The following NRP2 variants were observed in gnomAD, a reference collection of about 807,000 sequenced individuals.
NRP2 encodes neuropilin 2, also known as neuropilin-2.
NRP2 carries 52 observed loss-of-function variants against 110.4 expected under a neutral mutation model. The observed-to-expected ratio is 0.47, with a 90% CI of 0.38 to 0.59. The LOEUF is 0.59. NRP2 is among the 20% of genes least tolerant of loss of function. NRP2 has a pLI of 0.00. For synonymous variants in NRP2, 508 were observed against 468.9 expected, an observed-to-expected ratio of 1.08 and a Z score of -1.08; for missense variants, 1,049 against 1,203.0, an observed-to-expected ratio of 0.87 and a Z score of 1.89.
At chr2:205,794,181 G>A (rs2105978749) in intron 16 of NRP2, among the ~76,000 whole-genome samples, 1 of 152,248 alleles carries the variant, frequency 6.6e-6, no homozygotes, top group Admixed American at 6.5e-5. Context: ...CGCAATCTCG[G>A]CTCACTGCAA....
Position 205,697,812 on chromosome 2 carries a change from A to G in NRP2, c.251+91A>G. ...GCTCTTGTCACTTCTATCACCCCTC[A>G]CCCCAAGACCTGCTGCTAACCAGTG... On this transcript the variant is annotated intron_variant, in intron 2 of 16. Coordinates refer to ENST00000357785, the MANE Select transcript of NRP2 (RefSeq NM_003872.3). 3.2e-6 allele frequency: 4 copies of G among 1,241,986 alleles called. No individual in the cohort carries two copies. In the South Asian group the frequency reaches 4.8e-5, roughly 15 times the overall value. 76.9% of individuals were successfully genotyped at this position (1,241,986 alleles called of 1,614,324 possible).
intron 16 of NRP2, among the ~76,000 whole-genome samples, chr2:205,794,446 A>C (rs1057418312): frequency 6.6e-6 from 1 of 152,206 alleles, no homozygotes; most frequent in Non-Finnish European, 1.5e-5. Context: ...AGTACTTACT[A>C]TGTTGCAGAC....
chr2:205,772,135 A>G (rs1418753602), intron 15 of NRP2, among the ~76,000 whole-genome samples: 1 of 152,240 alleles, frequency 6.6e-6, no homozygotes, highest in East Asian at 1.9e-4. Context: ...AACCAGGAGA[A>G]AATCACTTGT....
chr2:205,709,963 G>A (rs187530782), intron 2 of NRP2, among the ~76,000 whole-genome samples: 21 of 152,222 alleles, frequency 1.4e-4, no homozygotes, highest in Admixed American at 1.2e-3. Flanking sequence ...ATTTCTGCTG[G>A]GTGAGTCTTG....
chr2:205,689,623 G>T (rs762376041), intron 1 of NRP2, among the ~76,000 whole-genome samples: 14 of 152,154 alleles, frequency 9.2e-5, no homozygotes, highest in Non-Finnish European at 1.9e-4. Flanking sequence ...CTTCTTCAGA[G>T]AATATTCTCT....
intron 2 of NRP2, among the ~76,000 whole-genome samples, chr2:205,703,312 T>C (rs2056601722): frequency 6.6e-6 from 1 of 152,208 alleles, no homozygotes; most frequent in Non-Finnish European, 1.5e-5. Context: ...CATTCATTCA[T>C]TCATCAGGAA....
At chr2:205,751,652 C>T (rs543713014) in intron 11 of NRP2, among the ~76,000 whole-genome samples, 22 of 152,246 alleles carry the variant, frequency 1.4e-4, no homozygotes, top group East Asian at 3.9e-4. Flanking sequence ...CTCCCTCTGA[C>T]GCCAGCAGTG....
chr2:205,700,031 C>T (rs1226537041), intron 2 of NRP2, among the ~76,000 whole-genome samples: 1 of 151,502 alleles, frequency 6.6e-6, no homozygotes, highest in Non-Finnish European at 1.5e-5. Context: ...CTGGTTTTCT[C>T]AGCCTCTCAC....
At position 205,743,398 on chromosome 2, in the gene NRP2, A is replaced by G; in HGVS notation, c.1487A>G (p.Lys496Arg). The change falls in exon 9 of 17, where the codon AAG becomes AGG. Residue 496 changes from lysine to arginine, a missense_variant. Lys to Arg is a conservative substitution (Grantham distance 26). Coordinates refer to ENST00000357785, the MANE Select transcript of NRP2 (RefSeq NM_003872.3). ...EWLQVDLGTPKTVKGVIIQGA... is the reference protein window; with the variant it reads ...EWLQVDLGTPRTVKGVIIQGA... ...CTTCAGGTAGATCTGGGAACACCCA[A>G]GACAGTGAAAGGTGTCATCATCCAG... is the stretch of plus-strand genomic sequence containing the variant. 2 of 1,614,224 alleles carry G rather than the reference A, an allele frequency of 1.2e-6. No individual in the cohort carries two copies. The highest frequency in any genetic ancestry group is 1.7e-6 in the Non-Finnish European group (2 of 1,180,044).
chr2:205,697,015 T>G (rs1407422637), intron 1 of NRP2, among the ~76,000 whole-genome samples: 1 of 152,200 alleles, frequency 6.6e-6, no homozygotes, highest in Non-Finnish European at 1.5e-5. Flanking sequence ...AAGTGCTTCC[T>G]CTGCACCACA....
At chr2:205,705,183 G>GGA (rs1553575106) in intron 2 of NRP2, among the ~76,000 whole-genome samples, 1 of 144,134 alleles carries the variant, frequency 6.9e-6, no homozygotes, top group Non-Finnish European at 1.5e-5. Flanking sequence ...AATAATTCCA[G>GGA]AAAAAAAAAA....
At chr2:205,731,012 C>A (rs1360002055) in intron 7 of NRP2, among the ~76,000 whole-genome samples, 1 of 152,224 alleles carries the variant, frequency 6.6e-6, no homozygotes, top group East Asian at 1.9e-4. Flanking sequence ...GTTGCTGGGG[C>A]ATTGCAAGCC....
chr2:205,772,959 G>A (rs1424642594), intron 15 of NRP2, among the ~76,000 whole-genome samples: 1 of 152,174 alleles, frequency 6.6e-6, no homozygotes, highest in Non-Finnish European at 1.5e-5. Context: ...CATTTTCCAG[G>A]GAGTCTGAAC....
At chr2:205,734,202 A>T (rs1441743730) in intron 7 of NRP2, among the ~76,000 whole-genome samples, 1 of 151,534 alleles carries the variant, frequency 6.6e-6, no homozygotes, top group Non-Finnish European at 1.5e-5. Context: ...ATATCTATGT[A>T]AAGTATACAC....
chr2:205,712,346 GTC>G (rs1307228907), intron 2 of NRP2, among the ~76,000 whole-genome samples: 1 of 152,202 alleles, frequency 6.6e-6, no homozygotes, highest in African/African-American at 2.4e-5. Flanking sequence ...TAGTTAATAT[GTC>G]TGTTAGCTGG....
intron 3 of NRP2, chr2:205,722,220 T>A: frequency 2.0e-6 from 1 of 494,328 alleles, no homozygotes; most frequent in Non-Finnish European, 3.7e-6. Flanking sequence ...CACTTCTCTG[T>A]ACCTCCACCC....
intron 1 of NRP2, among the ~76,000 whole-genome samples, chr2:205,684,362 T>C (rs914715429): frequency 7.9e-5 from 12 of 152,064 alleles, no homozygotes; most frequent in Admixed American, 2.6e-4. Context: ...CTACAGGTGA[T>C]TGGAGATGGA....
intron 15 of NRP2, chr2:205,767,227 A>G (rs1354678173): frequency 1.3e-5 from 4 of 308,990 alleles, no homozygotes; most frequent in South Asian, 5.5e-5. Flanking sequence ...GTTTCTTTCC[A>G]GTTCCAGGGT....
At chr2:205,767,208 C>G in intron 15 of NRP2, 1 of 313,426 alleles carries the variant, frequency 3.2e-6, no homozygotes. Flanking sequence ...TTATTTTAGC[C>G]TGAAGATGGT....
Sources: gnomAD v4.1 joint callset for allele counts (sites outside exome capture counted in the v4.1 genomes callset) on GRCh38, gnomAD v4.1.1 for gene constraint, MANE v1.5 for transcripts, NCBI Gene and HGNC (gene_info 2026-07-23, HGNC 2026-07-21) for gene names.